XDH: variants seen among roughly 807,000 people sequenced by gnomAD.
The protein encoded by XDH is xanthine dehydrogenase, also known as xanthine dehydrogenase/oxidase.
In XDH, 138 loss-of-function variants were observed where a neutral mutation model predicts 156.1. The ratio of observed to expected loss-of-function variants is 0.88; its 90% CI spans 0.77 to 1.02. The LOEUF is 1.02. Among genes scored for constraint, XDH ranks in the 50% least tolerant of loss-of-function variants. The pLI, the probability that XDH is intolerant of heterozygous loss-of-function variation, is 0.00. For synonymous variants in XDH, 669 were observed against 625.7 expected, an observed-to-expected ratio of 1.07 and a Z score of -1.03; for missense variants, 1,849 against 1,684.9, an observed-to-expected ratio of 1.10 and a Z score of -1.71.
rs781252885 is a variant in XDH, at chr2:31,372,281, C to T, written c.1803G>A (p.Glu601=). ...TGACCAGCCGGAGAGACAGCTCATTCTCGTAGCGAGGAATGTCGTCACAGT... is the reference window on the plus strand; with the variant it reads ...TGACCAGCCGGAGAGACAGCTCATTTTCGTAGCGAGGAATGTCGTCACAGT... The part of the protein sequence containing the change: ...AVYCDDIPRY[E]NELSLRLVTS... Residue 601 remains glutamate, a synonymous_variant, in exon 17 of 36, where the codon GAG becomes GAA. Coordinates refer to ENST00000379416, the MANE Select transcript of XDH (RefSeq NM_000379.4). The T allele has an allele frequency of 1.2e-6, 2 of 1,614,260 alleles. No homozygotes were observed. The highest frequency in any genetic ancestry group is 2.2e-5 in the South Asian group (2 of 91,084).
chr2:31,380,620 T>C lies in XDH; in HGVS notation c.1133-644A>G, dbSNP rs1686411873. ...AACTTATTGCTGGAGGAATTAAGCATGCACTGTGTGGCTCCACTGGGAGAA... is the reference window on the plus strand; with the variant it reads ...AACTTATTGCTGGAGGAATTAAGCACGCACTGTGTGGCTCCACTGGGAGAA... On this transcript the variant is annotated intron_variant, in intron 12 of 35. Coordinates refer to ENST00000379416, the MANE Select transcript of XDH (RefSeq NM_000379.4). 3.3e-5 allele frequency among the ~76,000 whole-genome samples: 5 copies of C among 152,264 alleles called. No individual in the cohort carries two copies. In the South Asian group the frequency reaches 8.3e-4, roughly 25 times the overall value.
chr2:31,373,992 T>C (rs1294450672), intron 15 of XDH, 36 bp from the exon 16 acceptor site: 1 of 1,591,372 alleles, frequency 6.3e-7, no homozygotes, highest in African/African-American at 1.3e-5. Context: ...ACCAGGATTA[T>C]ATTTCAATCA....
In XDH at chr2:31,348,296, C is replaced by T; in HGVS notation, c.3119G>A (p.Gly1040Asp). 1 of 1,614,210 alleles carries T rather than the reference C, an allele frequency of 6.2e-7. No individual in the cohort carries two copies. ...VLLTHGGTEM[G>D]QGLHTKMVQV... ...GACCATTTTGGTATGAAGGCCTTGGCCCATCTCAGTCCCCCCGTGGGTCAG... is the reference window on the plus strand; with the variant it reads ...GACCATTTTGGTATGAAGGCCTTGGTCCATCTCAGTCCCCCCGTGGGTCAG... The change falls in exon 28 of 36, where the codon GGC becomes GAC. Residue 1040 changes from glycine (G) to aspartate (D), a missense_variant. Transcript: ENST00000379416.
intron 28 of XDH, 132 bp downstream of exon 28, chr2:31,348,136 G>C: frequency 1.1e-6 from 1 of 906,230 alleles, no homozygotes; most frequent in Non-Finnish European, 1.8e-6. Flanking sequence ...CTTGCCCGAG[G>C]CTACACGGAC....
intron 6 of XDH, 92 bp downstream of exon 6, chr2:31,397,576 G>T: frequency 6.8e-7 from 1 of 1,468,182 alleles, no homozygotes; most frequent in South Asian, 1.1e-5. Context: ...ATTGTTTGTA[G>T]ACCAGAGGCC....
At chr2:31,354,458 G>A (rs980387393) in intron 24 of XDH, among the ~76,000 whole-genome samples, 7 of 152,162 alleles carry the variant, frequency 4.6e-5, no homozygotes, top group Non-Finnish European at 1.0e-4. Flanking sequence ...TGACAAAGAT[G>A]TTAAAATTAT....
At chr2:31,338,793 G>T (rs191330374) in intron 34 of XDH, among the ~76,000 whole-genome samples, 2 of 133,424 alleles carry the variant, frequency 1.5e-5, no homozygotes, top group Admixed American at 1.9e-4. Context: ...GTCCAGTCAC[G>T]GCTCACTGCA....
intron 30 of XDH, among the ~76,000 whole-genome samples, chr2:31,345,062 T>C (rs1237105412): frequency 6.6e-6 from 1 of 152,154 alleles, no homozygotes; most frequent in Non-Finnish European, 1.5e-5. Context: ...CCTTATTGCC[T>C]GTAGAGCAAA....
chr2:31,383,965 C>T, intron 9 of XDH, 118 bp from the exon 10 acceptor site: 2 of 920,306 alleles, frequency 2.2e-6, no homozygotes, highest in Non-Finnish European at 3.4e-6. Flanking sequence ...TCATAATATG[C>T]TCTCTGGTGA....
intron 34 of XDH, among the ~76,000 whole-genome samples, 195 bp downstream of exon 34, chr2:31,339,294 C>A (rs1685056822): frequency 6.6e-6 from 1 of 152,116 alleles, no homozygotes; most frequent in Admixed American, 6.5e-5. Context: ...TCTCCTCAAC[C>A]CAATTTAACT....
intron 1 of XDH, among the ~76,000 whole-genome samples, chr2:31,413,902 G>A (rs1201032204): frequency 6.6e-6 from 1 of 152,040 alleles, no homozygotes; most frequent in African/African-American, 2.4e-5. Flanking sequence ...ATTAAAATTT[G>A]CAAAGATTCT....
In XDH at chr2:31,383,825, ATTC is replaced by A. The variant is rs1686508956; in HGVS notation, c.813_815del (p.Lys271del). 4 of 1,614,112 alleles carry A rather than the reference ATTC, an allele frequency of 2.5e-6. No homozygotes were observed. The highest frequency in any genetic ancestry group is 3.4e-6 in the Non-Finnish European group (4 of 1,180,030). On this transcript the variant is annotated inframe_deletion, in exon 10 of 36. Coordinates refer to ENST00000379416, the MANE Select transcript of XDH (RefSeq NM_000379.4). Reference sequence around the variant, plus strand: ...GGCAGACAATCATAGGAAACAGCATATTCTTGAACTTCATCTCAATGCCTAGAG... The same window carrying A: ...GGCAGACAATCATAGGAAACAGCATATTGAACTTCATCTCAATGCCTAGAG...
intron 23 of XDH, among the ~76,000 whole-genome samples, chr2:31,364,624 A>G (rs930298250): frequency 6.6e-6 from 1 of 152,082 alleles, no homozygotes; most frequent in Non-Finnish European, 1.5e-5. Flanking sequence ...CTGTCTCCTC[A>G]CAGATTTTGG....
intron 15 of XDH, 31 bp downstream of exon 15, chr2:31,375,349 G>C: frequency 6.2e-7 from 1 of 1,614,054 alleles, no homozygotes. Context: ...ACATGCTACA[G>C]AGAGCCTGTG....
At chr2:31,343,297 T>G in intron 31 of XDH, among the ~76,000 whole-genome samples, 1 of 95,378 alleles carries the variant, frequency 1.0e-5, no homozygotes, top group African/African-American at 4.3e-5. Flanking sequence ...TATATATATA[T>G]ATATATATAT....
rs1685332339 is a variant in XDH, at chr2:31,347,517, C to A, written c.3276+5G>T. 1.9e-6 allele frequency: 3 copies of A among 1,613,682 alleles called. No homozygotes were observed. Among genetic ancestry groups the A allele is most frequent in the Non-Finnish European group, 2.5e-6 (3 of 1,179,994 alleles). On this transcript the variant is annotated splice_donor_5th_base_variant and intron_variant, in intron 29 of 35. Transcript: ENST00000379416. ...CTGCTCTGCGGGATCCCATGGGCTC[C>A]TTACATAGACGGCCTGTCCATTGAG...
At chr2:31,374,929 G>C (rs1039994517) in intron 15 of XDH, among the ~76,000 whole-genome samples, 2 of 151,480 alleles carry the variant, frequency 1.3e-5, no homozygotes, top group African/African-American at 4.9e-5. Context: ...GGCTATTGCA[G>C]CCCCACCTGA....
At chr2:31,400,515 G>A (rs1166609652) in intron 4 of XDH, among the ~76,000 whole-genome samples, 4 of 152,104 alleles carry the variant, frequency 2.6e-5, no homozygotes, top group Admixed American at 6.6e-5. Flanking sequence ...GACAATGGCC[G>A]TTCCTTCCAA....
rs2148772491 is a variant in XDH, at chr2:31,372,499, C to G, written c.1687-102G>C. On this transcript the variant is annotated intron_variant, in intron 16 of 35. Coordinates refer to ENST00000379416, the MANE Select transcript of XDH (RefSeq NM_000379.4). Reference sequence around the variant, plus strand: ...GCTTCATGCTACATGGCAAAGGACACCAAGGGGTAAGAATAAAGAATTCAG... The same window carrying G: ...GCTTCATGCTACATGGCAAAGGACAGCAAGGGGTAAGAATAAAGAATTCAG... 3 of 1,514,564 alleles carry G rather than the reference C, an allele frequency of 2.0e-6. No individual in the cohort carries two copies. In the African/African-American group the frequency reaches 4.1e-5, roughly 21 times the overall value. 93.8% of individuals were successfully genotyped at this position (1,514,564 alleles called of 1,614,324 possible). A position where few individuals can be genotyped will look rare whatever the true frequency, so the allele number is the denominator to read the frequency against.
Sources: allele counts gnomAD v4.1 joint callset (sites outside exome capture counted in the v4.1 genomes callset), GRCh38; gene constraint gnomAD v4.1.1; transcripts MANE v1.5; gene names NCBI Gene and HGNC (gene_info 2026-07-23, HGNC 2026-07-21).